Variants in SNX29 observed in about 807,000 individuals in gnomAD.
SNX29 encodes the protein sorting nexin-29.
In SNX29, 78 loss-of-function variants were observed where a neutral mutation model predicts 102.1. The ratio of observed to expected loss-of-function variants is 0.76; its 90% CI spans 0.64 to 0.92. The LOEUF (loss-of-function observed/expected upper bound fraction) is 0.92, where lower values mean the gene tolerates loss of function less well. Among genes scored for constraint, SNX29 ranks in the 40% least tolerant of loss-of-function variants. The pLI is 0.00. For synonymous variants in SNX29, 580 were observed against 414.5 expected (o/e 1.40, Z -4.85); for missense variants, 1,280 against 1,061.7 (o/e 1.21, Z -2.86).
At chr16:12,069,030 CTT>C in intron 9 of SNX29, 25 bp from the exon 10 acceptor site, 1 of 1,609,792 alleles carries the variant, frequency 6.2e-7, no homozygotes, top group South Asian at 1.1e-5. Flanking sequence ...AAAGTGACCT[CTT>C]TCTGTGATTG....
chr16:12,124,660 C>T (rs927001872), intron 11 of SNX29, among the ~76,000 whole-genome samples: 2 of 152,210 alleles, frequency 1.3e-5, no homozygotes, highest in African/African-American at 2.4e-5. Flanking sequence ...TCATTGAAAT[C>T]TGGTGTCTTA....
In SNX29 at chr16:12,513,329, G is replaced by GCCCTGC. The variant is rs1555559629; in HGVS notation, c.2179-11371_2179-11370insCTGCCC. 3.9e-3 allele frequency among the ~76,000 whole-genome samples: 456 copies of GCCCTGC among 117,826 alleles called. 6 individuals are homozygous for GCCCTGC. Among genetic ancestry groups the GCCCTGC allele is most frequent in the African/African-American group, 0.015 (425 of 28,448 alleles). 77.3% of individuals were successfully genotyped at this position (117,826 alleles called of 152,430 possible). The stretch of plus-strand genomic sequence containing the variant: ...CCTCTCCCCTTCTCTCCCTTCCCCT[G>GCCCTGC]CCTGCCCTGCCCTGCCCTGCTCTCT... On this transcript the variant is annotated intron_variant, in intron 19 of 20. Transcript: ENST00000566228.
intron 13 of SNX29, among the ~76,000 whole-genome samples, chr16:12,173,771 G>A (rs2141772929): frequency 6.6e-6 from 1 of 152,270 alleles, no homozygotes; most frequent in East Asian, 1.9e-4. Flanking sequence ...TTGGATGGGT[G>A]CTGCTGCCCC....
chr16:12,228,859 G>GA (rs1452851020), intron 14 of SNX29, among the ~76,000 whole-genome samples: 7 of 152,376 alleles, frequency 4.6e-5, no homozygotes, highest in African/African-American at 1.7e-4. Flanking sequence ...TCAAGAGCCA[G>GA]AGGGACTTCA....
intron 20 of SNX29, among the ~76,000 whole-genome samples, chr16:12,529,280 C>A (rs1029516388): frequency 2.0e-5 from 3 of 152,176 alleles, no homozygotes; most frequent in Non-Finnish European, 4.4e-5. Context: ...GTGCCAGCCT[C>A]CCAACACCCA....
intron 3 of SNX29, among the ~76,000 whole-genome samples, chr16:12,004,718 GC>G (rs1314219058): frequency 6.6e-6 from 1 of 152,032 alleles, no homozygotes; most frequent in Non-Finnish European, 1.5e-5. Flanking sequence ...AATTTTAACA[GC>G]CATGAGAAAG....
At chr16:12,248,282 T>G (rs1416767267) in intron 14 of SNX29, among the ~76,000 whole-genome samples, 2 of 152,168 alleles carry the variant, frequency 1.3e-5, no homozygotes, top group African/African-American at 4.8e-5. Context: ...CAATCGTTGT[T>G]CTTCATCGTG....
chr16:12,198,807 A>G (rs1412222562), intron 13 of SNX29, among the ~76,000 whole-genome samples: 3 of 152,238 alleles, frequency 2.0e-5, no homozygotes, highest in Non-Finnish European at 4.4e-5. Context: ...GCATTTTTCT[A>G]CTGAATGAAG....
At chr16:12,561,668 T>G (rs944648907) in intron 20 of SNX29, among the ~76,000 whole-genome samples, 4 of 152,070 alleles carry the variant, frequency 2.6e-5, no homozygotes, top group African/African-American at 7.2e-5. Flanking sequence ...CCTCTGAGGG[T>G]GCCCTCACAC....
chr16:12,157,288 C>G (rs1030957280), intron 13 of SNX29, among the ~76,000 whole-genome samples: 29 of 152,154 alleles, frequency 1.9e-4, no homozygotes, highest in African/African-American at 7.0e-4. Context: ...TTCTCTGGCT[C>G]TGGAGAAGGT....
chr16:12,176,293 G>C (rs844225), intron 13 of SNX29, among the ~76,000 whole-genome samples: 85,805 of 152,120 alleles, frequency 0.56, 28,891 homozygotes, highest in Non-Finnish European at 0.73. Context: ...GCTTTTGACA[G>C]GTGCAGGTTC....
intron 4 of SNX29, among the ~76,000 whole-genome samples, chr16:12,041,718 T>C (rs1381208160): frequency 1.3e-5 from 2 of 152,194 alleles, no homozygotes; most frequent in African/African-American, 4.8e-5. Context: ...CTGCCTCTTA[T>C]GAAGATCTTG....
chr16:12,009,921 T>C (rs1012497193), intron 3 of SNX29, among the ~76,000 whole-genome samples: 2 of 152,230 alleles, frequency 1.3e-5, no homozygotes, highest in Admixed American at 6.5e-5. Context: ...TCAGAGGACG[T>C]GATCTGGAAG....
At chr16:12,113,946 G>A (rs1175724424) in intron 11 of SNX29, among the ~76,000 whole-genome samples, 2 of 152,202 alleles carry the variant, frequency 1.3e-5, no homozygotes, top group African/African-American at 2.4e-5. Context: ...TGTAACCTCC[G>A]CATTTTGTAG....
In SNX29 at chr16:12,539,142, C is replaced by T. The variant is rs149889649; in HGVS notation, c.2318+14301C>T. On this transcript the variant is annotated intron_variant, in intron 20 of 20. Coordinates refer to ENST00000566228, the MANE Select transcript of SNX29 (RefSeq NM_032167.5). ...CAAAAAATTTTTAATTTACACAGTGCAATTGACTTTTGCTCTTGTTCATGT... is the reference window on the plus strand; with the variant it reads ...CAAAAAATTTTTAATTTACACAGTGTAATTGACTTTTGCTCTTGTTCATGT... 3.9e-3 allele frequency among the ~76,000 whole-genome samples: 597 copies of T among 152,266 alleles called. 5 individuals carry two copies. Among genetic ancestry groups the T allele is most frequent in the African/African-American group, 0.014 (571 of 41,532 alleles).
chr16:12,390,180 G>GTGTGTGTA (rs767732308), intron 16 of SNX29, among the ~76,000 whole-genome samples: 1 of 148,880 alleles, frequency 6.7e-6, no homozygotes, highest in African/African-American at 2.5e-5. Context: ...GTGTGTGTGT[G>GTGTGTGTA]TATGTATATG....
At chr16:12,507,501 G>C (rs899374742) in intron 19 of SNX29, among the ~76,000 whole-genome samples, 2 of 152,176 alleles carry the variant, frequency 1.3e-5, no homozygotes, top group African/African-American at 2.4e-5. Flanking sequence ...TGATGTTACT[G>C]TTTGGATGCT....
At chr16:12,447,204 T>G (rs1261691382) in intron 18 of SNX29, among the ~76,000 whole-genome samples, 1 of 79,646 alleles carries the variant, frequency 1.3e-5, no homozygotes, top group South Asian at 4.0e-4. Context: ...AAAAGTAAAA[T>G]AAATGCTACA....
chr16:12,264,882 C>A (rs2078881671), intron 14 of SNX29, among the ~76,000 whole-genome samples: 1 of 152,156 alleles, frequency 6.6e-6, no homozygotes, highest in South Asian at 2.1e-4. Context: ...CCTTTGTGCT[C>A]AGACCTCCGT....
Sources: allele counts gnomAD v4.1 joint callset (sites outside exome capture counted in the v4.1 genomes callset), GRCh38; gene constraint gnomAD v4.1.1; transcripts MANE v1.5; gene names NCBI Gene and HGNC (gene_info 2026-07-23, HGNC 2026-07-21).